Variants in ZSCAN32 observed in about 807,000 individuals in gnomAD.
ZSCAN32 encodes the protein zinc finger and SCAN domain-containing protein 32.
In ZSCAN32, 52 loss-of-function variants were observed where a neutral mutation model predicts 47.4. The ratio of observed to expected loss-of-function variants is 1.10; its 90% CI spans 0.88 to 1.38. ZSCAN32 has a LOEUF of 1.38. Ranked by LOEUF, ZSCAN32 falls within the 40% of genes most tolerant of loss-of-function variation. ZSCAN32 has a pLI of 0.00. For synonymous variants in ZSCAN32, 346 were observed against 305.7 expected (o/e 1.13, Z -1.38); for missense variants, 959 against 846.0 (o/e 1.13, Z -1.66).
At chr16:3,385,151 C>T (rs1374405382) in intron 5 of ZSCAN32, among the ~76,000 whole-genome samples, 3 of 152,012 alleles carry the variant, frequency 2.0e-5, no homozygotes, top group South Asian at 2.1e-4. Flanking sequence ...GGTGAAACCC[C>T]GTCTCTACTA....
In ZSCAN32 at chr16:3,397,518, A is replaced by C. The variant is rs1466342565; in HGVS notation, c.40T>G (p.Ser14Ala). The change falls in exon 2 of 7, where the codon TCA (serine) becomes GCA (alanine). Residue 14 changes from serine to alanine, a missense_variant. Transcript: ENST00000396852. ...AVKSTEAHPS[S>A]NKDPTQGQKS... ...TGGCCCTGTGTGGGATCCTTGTTTG[A>C]GGATGGGTGTGCCTCGGTACTCTTC... The C allele has an allele frequency of 6.5e-7, 1 of 1,549,734 alleles. No homozygotes were observed. The highest frequency in any genetic ancestry group is 8.7e-7 in the Non-Finnish European group (1 of 1,146,382).
intron 2 of ZSCAN32, among the ~76,000 whole-genome samples, chr16:3,396,870 A>G (rs1367554226): frequency 1.3e-5 from 2 of 152,208 alleles, no homozygotes; most frequent in African/African-American, 4.8e-5. Flanking sequence ...TTCATTCACT[A>G]GCATCTCTAG....
chr16:3,389,342 C>A (rs773243581), intron 5 of ZSCAN32, among the ~76,000 whole-genome samples: 87 of 152,216 alleles, frequency 5.7e-4, no homozygotes, highest in Admixed American at 9.2e-4. Context: ...CCCTCCCACC[C>A]TGGGCTTAGC....
chr16:3,398,248 C>G (rs1405247720), intron 1 of ZSCAN32, among the ~76,000 whole-genome samples: 1 of 152,112 alleles, frequency 6.6e-6, no homozygotes, highest in East Asian at 1.9e-4. Context: ...TTTTGAGATG[C>G]CTTTTCAGGC....
At chr16:3,394,905 T>C (rs2033222027) in intron 2 of ZSCAN32, among the ~76,000 whole-genome samples, 1 of 152,202 alleles carries the variant, frequency 6.6e-6, no homozygotes, top group Non-Finnish European at 1.5e-5. Context: ...CCTCCTTCAG[T>C]GTCACCTCAG....
rs1171341702 is a variant in ZSCAN32 at position 3,382,728 on chromosome 16, G to A, written c.*124C>T. ...ATGCTGACTCCTGGTCCTAGACATG[G>A]GTCTTAAGATCCAGTAGTCAGTAGG... On this transcript the variant is annotated 3_prime_UTR_variant, in exon 7 of 7. Coordinates refer to ENST00000396852, the MANE Select transcript of ZSCAN32 (RefSeq NM_001284527.2). 1.4e-6 allele frequency: 2 copies of A among 1,433,904 alleles called. No individual in the cohort carries two copies. Among genetic ancestry groups the A allele is most frequent in the African/African-American group, 1.4e-5 (1 of 70,300 alleles). The allele number at this position is 1,433,904 out of a possible 1,614,324, so 88.8% of individuals were successfully genotyped here.
At position 3,397,534 on chromosome 16, in the gene ZSCAN32, G is replaced by A. The variant is rs191394085; in HGVS notation, c.24C>T (p.Thr8=). 245 of 1,545,754 alleles carry A rather than the reference G, an allele frequency of 1.6e-4. 2 individuals are homozygous for A. In the East Asian group the frequency reaches 5.1e-3, roughly 32 times the overall value. Residue 8 remains threonine (T), a synonymous_variant, in exon 2 of 7, where the codon ACC becomes ACT. Coordinates refer to ENST00000396852, the MANE Select transcript of ZSCAN32 (RefSeq NM_001284527.2). MMAAVKS[T]EAHPSSNKDP... is the part of the protein sequence containing the mutation. ...CCTTGTTTGAGGATGGGTGTGCCTCGGTACTCTTCACTGCAGCCATCATTT... is the reference window on the plus strand; with the variant it reads ...CCTTGTTTGAGGATGGGTGTGCCTCAGTACTCTTCACTGCAGCCATCATTT...
At chr16:3,394,439 C>G (rs2033173168) in intron 2 of ZSCAN32, among the ~76,000 whole-genome samples, 1 of 152,110 alleles carries the variant, frequency 6.6e-6, no homozygotes, top group Non-Finnish European at 1.5e-5. Flanking sequence ...TTCCTCTGCC[C>G]CCCAAATCCA....
chr16:3,388,150 T>C (rs1240942887), intron 5 of ZSCAN32, among the ~76,000 whole-genome samples: 1 of 152,244 alleles, frequency 6.6e-6, no homozygotes, highest in Non-Finnish European at 1.5e-5. Context: ...AAGTTTCTAA[T>C]TGCTCCCTCT....
At chr16:3,389,356 G>A (rs1344862951) in intron 5 of ZSCAN32, among the ~76,000 whole-genome samples, 1 of 152,178 alleles carries the variant, frequency 6.6e-6, no homozygotes, top group African/African-American at 2.4e-5. Flanking sequence ...GCTTAGCCAG[G>A]AGTACCCTGC....
At position 3,397,719 on chromosome 16, in the gene ZSCAN32, A is replaced by G. The variant is rs779345196; in HGVS notation, c.-162T>C. On this transcript the variant is annotated 5_prime_UTR_variant, in exon 2 of 7. Coordinates refer to ENST00000396852, the MANE Select transcript of ZSCAN32 (RefSeq NM_001284527.2). The stretch of plus-strand genomic sequence containing the variant: ...ACATGTGTAGAGACTCACAGCGGAA[A>G]AAAAGGGCTCAACTTTGAAGGATGT... The G allele has an allele frequency of 3.4e-6, 3 of 890,748 alleles. No homozygotes were observed. Among genetic ancestry groups the G allele is most frequent in the Non-Finnish European group, 4.9e-6 (3 of 614,092 alleles). 55.2% of individuals were successfully genotyped at this position (890,748 alleles called of 1,614,324 possible).
intron 6 of ZSCAN32, chr16:3,384,154 C>T (rs2031633683): frequency 1.8e-6 from 1 of 542,598 alleles, no homozygotes; most frequent in East Asian, 3.1e-5. Flanking sequence ...CAAGGCCATG[C>T]TAGAGAAAAA....
intron 5 of ZSCAN32, among the ~76,000 whole-genome samples, chr16:3,387,773 C>T (rs973272965): frequency 6.6e-6 from 1 of 152,242 alleles, no homozygotes; most frequent in African/African-American, 2.4e-5. Context: ...ATTTAACTAA[C>T]ACTGAGTGCC....
intron 3 of ZSCAN32, among the ~76,000 whole-genome samples, chr16:3,392,594 G>C (rs1047335829): frequency 6.6e-6 from 1 of 152,110 alleles, no homozygotes; most frequent in South Asian, 2.1e-4. Context: ...TTGGGAGGCC[G>C]AGGCAGGTGG....
At chr16:3,385,730 T>G (rs2031896735) in intron 5 of ZSCAN32, among the ~76,000 whole-genome samples, 1 of 152,228 alleles carries the variant, frequency 6.6e-6, no homozygotes, top group African/African-American at 2.4e-5. Flanking sequence ...CTGGGAAACC[T>G]GGCTAGCCAT....
At chr16:3,390,773 C>T (rs774894162) in intron 3 of ZSCAN32, among the ~76,000 whole-genome samples, 2 of 152,286 alleles carry the variant, frequency 1.3e-5, no homozygotes, top group South Asian at 2.1e-4. Flanking sequence ...CCAGCGCTCA[C>T]GGCCTCTGTG....
At chr16:3,387,078 T>A (rs2032100332) in intron 5 of ZSCAN32, among the ~76,000 whole-genome samples, 1 of 152,130 alleles carries the variant, frequency 6.6e-6, no homozygotes, top group African/African-American at 2.4e-5. Context: ...AGACATTCCC[T>A]CCACTGATAA....
chr16:3,390,605 G>A (rs953799861), intron 3 of ZSCAN32, 88 bp from the exon 4 acceptor site: 123 of 1,029,466 alleles, frequency 1.2e-4, no homozygotes, highest in Non-Finnish European at 1.6e-4. Flanking sequence ...TGGGCCAGCC[G>A]CATCAGCAGC....
At chr16:3,389,941 C>T in intron 5 of ZSCAN32, 69 bp downstream of exon 5, 1 of 1,468,386 alleles carries the variant, frequency 6.8e-7, no homozygotes, top group Non-Finnish European at 9.2e-7. Flanking sequence ...CCCTCCCTCT[C>T]AAGTCCTTTC....
Sources: allele counts gnomAD v4.1 joint callset (sites outside exome capture counted in the v4.1 genomes callset), GRCh38; gene constraint gnomAD v4.1.1; transcripts MANE v1.5; gene names NCBI Gene and HGNC (gene_info 2026-07-23, HGNC 2026-07-21).